Variants in RUNX1 observed in about 807,000 individuals in gnomAD.
RUNX1 encodes runt-related transcription factor 1.
RUNX1 carries 19 observed loss-of-function variants against 42.8 expected under a neutral mutation model. The observed-to-expected ratio is 0.44, with a 90% CI of 0.31 to 0.65. The LOEUF (loss-of-function observed/expected upper bound fraction) is 0.65. RUNX1 is among the 30% of genes least tolerant of loss of function. RUNX1 has a pLI of 0.07. For missense variants in RUNX1, 528 were observed against 672.0 expected (o/e 0.79, Z 2.37); for synonymous variants, 271 against 289.4 (o/e 0.94, Z 0.64).
chr21:34,996,478 G>T (rs998512078), intron 2 of RUNX1, among the ~76,000 whole-genome samples: 2 of 152,080 alleles, frequency 1.3e-5, no homozygotes, highest in African/African-American at 4.8e-5. Context: ...GACCTTTTGT[G>T]TCTCTTTCTC....
intron 7 of RUNX1, among the ~76,000 whole-genome samples, chr21:34,815,777 A>G (rs2056817087): frequency 6.6e-6 from 1 of 152,188 alleles, no homozygotes; most frequent in African/African-American, 2.4e-5. Flanking sequence ...TGTGGAAAGC[A>G]GGGTCAGGAT....
At chr21:34,978,935 G>GACACAC (rs2058824233) in intron 2 of RUNX1, among the ~76,000 whole-genome samples, 1 of 39,192 alleles carries the variant, frequency 2.6e-5, no homozygotes, top group African/African-American at 9.9e-5. Flanking sequence ...CACACACACA[G>GACACAC]ATACACACAC....
At chr21:34,929,850 C>G (rs1601582144) in intron 2 of RUNX1, among the ~76,000 whole-genome samples, 1 of 152,218 alleles carries the variant, frequency 6.6e-6, no homozygotes, top group African/African-American at 2.4e-5. Context: ...TTCAGAGCTC[C>G]TGAAGCTGCC....
chr21:34,850,489 C>T (rs971419467), intron 6 of RUNX1, among the ~76,000 whole-genome samples: 5 of 152,330 alleles, frequency 3.3e-5, no homozygotes, highest in Middle Eastern at 3.4e-3. Context: ...AAGACACCTG[C>T]TACATTACAC....
At chr21:34,896,685 A>AAAAAG (rs10639291) in intron 2 of RUNX1, among the ~76,000 whole-genome samples, 43,149 of 151,284 alleles carry the variant, frequency 0.29, 7,093 homozygotes, top group African/African-American at 0.44. Flanking sequence ...TCTGTCTCAT[A>AAAAAG]AAAAGAAAAG....
intron 2 of RUNX1, among the ~76,000 whole-genome samples, chr21:34,978,997 T>C (rs1277222508): frequency 7.5e-6 from 1 of 133,964 alleles, no homozygotes; most frequent in Non-Finnish European, 1.6e-5. Context: ...TTGTCCATCC[T>C]GGGCCAGGTA....
chr21:34,936,493 A>T (rs2058486546), intron 2 of RUNX1, among the ~76,000 whole-genome samples: 1 of 152,216 alleles, frequency 6.6e-6, no homozygotes. Flanking sequence ...TCACGAATTT[A>T]AATGGAAACA....
chr21:34,849,348 TAG>T (rs1166691999), intron 6 of RUNX1, among the ~76,000 whole-genome samples: 1 of 44,434 alleles, frequency 2.3e-5, no homozygotes, highest in Non-Finnish European at 4.2e-5. Flanking sequence ...ATATTATATA[TAG>T]TATATATAAT....
At chr21:34,804,822 A>G (rs1242128409) in intron 7 of RUNX1, among the ~76,000 whole-genome samples, 1 of 150,082 alleles carries the variant, frequency 6.7e-6, no homozygotes, top group Non-Finnish European at 1.5e-5. Context: ...GGCTTACTGC[A>G]ACCTCCGCCT....
At chr21:35,034,098 A>C (rs2059290721) in intron 2 of RUNX1, among the ~76,000 whole-genome samples, 1 of 152,152 alleles carries the variant, frequency 6.6e-6, no homozygotes. Flanking sequence ...AGGCACCCAG[A>C]CTTCAAAACC....
At chr21:34,940,167 C>T (rs900806809) in intron 2 of RUNX1, among the ~76,000 whole-genome samples, 5 of 152,054 alleles carry the variant, frequency 3.3e-5, no homozygotes, top group African/African-American at 1.2e-4. Context: ...AAAAAAATGC[C>T]AGAAAGTGGC....
intron 2 of RUNX1, among the ~76,000 whole-genome samples, chr21:34,914,087 G>A (rs960091476): frequency 1.1e-4 from 17 of 152,222 alleles, no homozygotes; most frequent in Admixed American, 3.9e-4. Flanking sequence ...CTCTCAGTCA[G>A]TGTGAAGCAG....
At chr21:34,944,342 G>A (rs374730650) in intron 2 of RUNX1, among the ~76,000 whole-genome samples, 17 of 152,238 alleles carry the variant, frequency 1.1e-4, no homozygotes, top group African/African-American at 3.6e-4. Context: ...TTTCTCACTC[G>A]TACTAAACAA....
intron 6 of RUNX1, among the ~76,000 whole-genome samples, chr21:34,836,260 G>T (rs2057145039): frequency 6.6e-6 from 1 of 152,250 alleles, no homozygotes; most frequent in African/African-American, 2.4e-5. Context: ...ATGCATGTGG[G>T]AGGCCTGTTC....
At chr21:35,044,207 C>T (rs1031151162) in intron 2 of RUNX1, among the ~76,000 whole-genome samples, 1 of 152,206 alleles carries the variant, frequency 6.6e-6, no homozygotes, top group African/African-American at 2.4e-5. Context: ...GCAGCTCTAA[C>T]TTTGCCCAGG....
At chr21:34,912,017 G>C (rs1201911710) in intron 2 of RUNX1, among the ~76,000 whole-genome samples, 1 of 151,730 alleles carries the variant, frequency 6.6e-6, no homozygotes, top group African/African-American at 2.4e-5. Flanking sequence ...TTTGATTTCT[G>C]TGTTTATGTA....
intron 6 of RUNX1, among the ~76,000 whole-genome samples, chr21:34,844,742 C>A (rs2057292447): frequency 6.6e-6 from 1 of 152,246 alleles, no homozygotes; most frequent in Admixed American, 6.5e-5. Context: ...GCCCTGCCCC[C>A]TGGGCCTCGG....
intron 2 of RUNX1, among the ~76,000 whole-genome samples, chr21:34,935,984 C>G (rs752052616): frequency 1.3e-5 from 2 of 152,158 alleles, no homozygotes; most frequent in Non-Finnish European, 2.9e-5. Flanking sequence ...ACATAGCACA[C>G]GGCTGTACTC....
chr21:35,047,352 G>A (rs2059403373), intron 2 of RUNX1, among the ~76,000 whole-genome samples: 1 of 151,946 alleles, frequency 6.6e-6, no homozygotes, highest in South Asian at 2.1e-4. Flanking sequence ...ACCAAACGAC[G>A]CTGCAAGACT....
Sources: gnomAD v4.1 joint callset for allele counts (sites outside exome capture counted in the v4.1 genomes callset) on GRCh38, gnomAD v4.1.1 for gene constraint, MANE v1.5 for transcripts, NCBI Gene and HGNC (gene_info 2026-07-23, HGNC 2026-07-21) for gene names.